ROPN1L: variants seen among roughly 807,000 people sequenced by gnomAD.
The protein encoded by ROPN1L is ropporin-1-like protein.
ROPN1L carries 23 observed loss-of-function variants against 22.7 expected under a neutral mutation model. That is an observed-to-expected ratio of 1.01 (90% CI 0.73 to 1.43). ROPN1L has a LOEUF of 1.43. Ranked by LOEUF, ROPN1L falls within the 40% of genes most tolerant of loss-of-function variation. ROPN1L has a pLI of 0.00. For missense variants in ROPN1L, 271 were observed against 291.5 expected, an observed-to-expected ratio of 0.93 and a Z score of 0.51; for synonymous variants, 116 against 117.8, an observed-to-expected ratio of 0.98 and a Z score of 0.10.
chr5:10,477,855 G>A, the ROPN1L span, among the ~76,000 whole-genome samples: 8 of 152,144 alleles, frequency 5.3e-5, no homozygotes, highest in South Asian at 2.1e-4. Flanking sequence ...ACTTGAGCCC[G>A]GGAGGCAGAG....
At position 10,450,091 on chromosome 5, in the gene ROPN1L, T is replaced by A. The variant is rs552945189; in HGVS notation, c.395T>A (p.Leu132His). 5.6e-6 allele frequency: 9 copies of A among 1,613,688 alleles called. No individual in the cohort carries two copies. The African/African-American group carries it at 1.2e-4, about 22-fold the overall frequency. ...ATCAAGTGGATAAACTTTTTAGCGC[T>A]TGGATGCAGCATGCTTGGTGGGGTA... is the stretch of plus-strand genomic sequence containing the variant. ...NKIKWINFLA[L>H]GCSMLGGSLN... The change falls in exon 3 of 5, where the codon CTT becomes CAT. Residue 132 changes from leucine to histidine, a missense_variant. Coordinates refer to ENST00000274134, the MANE Select transcript of ROPN1L (RefSeq NM_031916.5).
chr5:10,450,799 G>A lies in ROPN1L; in HGVS notation c.417+686G>A, dbSNP rs375025482. 1.8e-4 allele frequency among the ~76,000 whole-genome samples: 28 copies of A among 152,104 alleles called. 1 individual carries two copies. Among genetic ancestry groups the A allele is most frequent in the Admixed American group, 3.9e-4 (6 of 15,266 alleles). On this transcript the variant is annotated intron_variant, in intron 3 of 4. Coordinates refer to ENST00000274134, the MANE Select transcript of ROPN1L (RefSeq NM_031916.5). ...GATTACAGGCGTGAGCCACCGCGCC[G>A]GCCTTAGAAATCTATTATTAATAAC...
chr5:10,448,187 T>A (rs1741133864), intron 1 of ROPN1L, 73 bp from the exon 2 acceptor site: 1 of 1,569,678 alleles, frequency 6.4e-7, no homozygotes, highest in African/African-American at 1.4e-5. Context: ...TTTGGGGGGT[T>A]ATTTAAGAAA....
chr5:10,449,846 C>T, intron 2 of ROPN1L, 106 bp from the exon 3 acceptor site: 1 of 907,972 alleles, frequency 1.1e-6, no homozygotes, highest in Non-Finnish European at 1.7e-6. Flanking sequence ...GTTCATCTGT[C>T]CCCTGCATGG....
chr5:10,468,632 A>C (rs1419111959), downstream of ROPN1L, among the ~76,000 whole-genome samples: 1 of 152,232 alleles, frequency 6.6e-6, no homozygotes, highest in Non-Finnish European at 1.5e-5. Flanking sequence ...ATGTTGAATA[A>C]AATAAACTGT....
At chr5:10,447,595 G>A (rs561254626) in intron 1 of ROPN1L, among the ~76,000 whole-genome samples, 10 of 152,334 alleles carry the variant, frequency 6.6e-5, no homozygotes, top group East Asian at 1.9e-4. Flanking sequence ...GTGGGAAGAC[G>A]GCCAGGCACA....
downstream of ROPN1L, among the ~76,000 whole-genome samples, chr5:10,473,983 C>T (rs192874685): frequency 3.5e-4 from 54 of 152,132 alleles, no homozygotes; most frequent in Middle Eastern, 6.8e-3. Context: ...AAATCCCCGT[C>T]TCTACTAAAA....
chr5:10,448,341 C>A lies in ROPN1L; in HGVS notation c.213C>A (p.Asp71Glu), dbSNP rs202000864. 1 of 1,614,192 alleles carries A rather than the reference C, an allele frequency of 6.2e-7. No individual in the cohort carries two copies. The highest frequency in any genetic ancestry group is 1.3e-5 in the African/African-American group (1 of 75,040). The change falls in exon 2 of 5, where the codon GAC becomes GAA. Residue 71 changes from aspartate to glutamate, a missense_variant. Physicochemically the swap from Asp to Glu is conservative, Grantham distance 45. Transcript: ENST00000274134. ...MEMPTATQKT[D>E]TGLTQGLLKV... is the part of the protein sequence containing the mutation. ...TGCCCACGGCAACCCAGAAAACAGACACAGGCCTGACTCAAGGACTCCTGA... is the reference window on the plus strand; with the variant it reads ...TGCCCACGGCAACCCAGAAAACAGAAACAGGCCTGACTCAAGGACTCCTGA...
At chr5:10,457,985 C>T (rs1455410647) in intron 3 of ROPN1L, among the ~76,000 whole-genome samples, 1 of 152,092 alleles carries the variant, frequency 6.6e-6, no homozygotes, top group Non-Finnish European at 1.5e-5. Context: ...CTGCAGGGCA[C>T]CACCCTGCTC....
downstream of ROPN1L, among the ~76,000 whole-genome samples, chr5:10,465,243 C>T (rs1363803478): frequency 3.9e-5 from 6 of 152,134 alleles, no homozygotes; most frequent in African/African-American, 1.2e-4. Context: ...GGGCCGGGCG[C>T]GTTGGCTCAC....
downstream of ROPN1L, among the ~76,000 whole-genome samples, chr5:10,476,525 A>G (rs1735319915): frequency 6.6e-6 from 1 of 152,198 alleles, no homozygotes; most frequent in African/African-American, 2.4e-5. Flanking sequence ...TCCATCTGGG[A>G]TTTGAGAAGT....
chr5:10,461,177 CTCCCAG>C lies in ROPN1L; in HGVS notation c.418-3_420del. On this transcript the variant is annotated splice_acceptor_variant and splice_polypyrimidine_tract_variant and intron_variant, in intron 3 of 4. Transcript: ENST00000274134. LOFTEE classifies it high-confidence loss of function. The stretch of plus-strand genomic sequence containing the variant: ...TTTTTCTCCCCACCTGGCTGTGGTG[CTCCCAG>C]TCCTTGAACACTGCGCTGAAGCACC... 1 of 1,606,980 alleles carries C rather than the reference CTCCCAG, an allele frequency of 6.2e-7. No individual in the cohort carries two copies. The highest frequency in any genetic ancestry group is 8.5e-7 in the Non-Finnish European group (1 of 1,175,502).
In ROPN1L at chr5:10,442,192, T is replaced by A; in HGVS notation, c.25T>A (p.Cys9Ser). 15 of 1,613,772 alleles carry A rather than the reference T, an allele frequency of 9.3e-6. No homozygotes were observed. The highest frequency in any genetic ancestry group is 1.3e-5 in the Non-Finnish European group (15 of 1,179,866). ...GATGCCGCTTCCCGACACCATGTTC[T>A]GCGCTCAGCAGATCCACATTCCCCC... MPLPDTMF[C>S]AQQIHIPPEL... The change falls in exon 1 of 5, where the codon TGC becomes AGC. Residue 9 changes from cysteine (C) to serine (S), a missense_variant. Transcript: ENST00000274134.
At chr5:10,474,147 G>A (rs1172275467), downstream of ROPN1L, among the ~76,000 whole-genome samples, 1 of 143,246 alleles carries the variant, frequency 7.0e-6, no homozygotes, top group Admixed American at 7.2e-5. Context: ...GTGAGACTGT[G>A]TCTCAAAAAA....
downstream of ROPN1L, among the ~76,000 whole-genome samples, chr5:10,466,189 G>A (rs1203990388): frequency 3.3e-5 from 5 of 152,224 alleles, no homozygotes; most frequent in African/African-American, 4.8e-5. Context: ...TCGTGCGAAT[G>A]CCTGTCTGGG....
downstream of ROPN1L, among the ~76,000 whole-genome samples, chr5:10,469,165 T>TAAAA (rs370315221): frequency 4.0e-3 from 591 of 147,994 alleles, 3 homozygotes; most frequent in African/African-American, 0.014. Flanking sequence ...AAAATAAAAA[T>TAAAA]TAAATAAACT....
chr5:10,475,057 C>T (rs1735301056), downstream of ROPN1L, among the ~76,000 whole-genome samples: 1 of 152,332 alleles, frequency 6.6e-6, no homozygotes, highest in Admixed American at 6.5e-5. Flanking sequence ...GTGTGGCCAG[C>T]AGCTCCCTTC....
chr5:10,475,641 A>C (rs1444033877), downstream of ROPN1L, among the ~76,000 whole-genome samples: 1 of 152,244 alleles, frequency 6.6e-6, no homozygotes, highest in Non-Finnish European at 1.5e-5. Flanking sequence ...AATAATGCCC[A>C]AGTTAAGCAG....
downstream of ROPN1L, among the ~76,000 whole-genome samples, chr5:10,473,097 G>A (rs1579665492): frequency 6.6e-6 from 1 of 152,304 alleles, no homozygotes; most frequent in South Asian, 2.1e-4. Context: ...CAATATCAGG[G>A]TGAATACCTG....
Sources: gnomAD v4.1 joint callset for allele counts (sites outside exome capture counted in the v4.1 genomes callset) on GRCh38, gnomAD v4.1.1 for gene constraint, MANE v1.5 for transcripts, NCBI Gene and HGNC (gene_info 2026-07-23, HGNC 2026-07-21) for gene names.